SEMA3A: variants seen among roughly 807,000 people sequenced by gnomAD.
SEMA3A encodes the protein semaphorin 3A, also known as semaphorin-3A.
SEMA3A carries 29 observed loss-of-function variants against 97.9 expected under a neutral mutation model. That is an observed-to-expected ratio of 0.30 (90% confidence interval 0.22 to 0.40). The LOEUF is 0.40. SEMA3A is among the 10% of genes least tolerant of loss of function. SEMA3A has a pLI of 1.00. For synonymous variants in SEMA3A, 321 were observed against 323.7 expected (o/e 0.99, Z 0.09); for missense variants, 763 against 951.3 (o/e 0.80, Z 2.60).
intron 1 of SEMA3A, among the ~76,000 whole-genome samples, chr7:84,409,006 G>T (rs1804187524): frequency 6.6e-6 from 1 of 150,764 alleles, no homozygotes; most frequent in Admixed American, 6.6e-5. Flanking sequence ...TAACAAAACT[G>T]CACGTTGTGC....
At chr7:83,976,108 G>A (rs1789140051) in intron 15 of SEMA3A, among the ~76,000 whole-genome samples, 1 of 152,108 alleles carries the variant, frequency 6.6e-6, no homozygotes, top group African/African-American at 2.4e-5. Flanking sequence ...AAACAATCCC[G>A]TGAGCATTCG....
intron 1 of SEMA3A, among the ~76,000 whole-genome samples, chr7:84,473,487 C>T (rs532877110): frequency 4.0e-5 from 6 of 151,714 alleles, no homozygotes; most frequent in African/African-American, 1.2e-4. Flanking sequence ...TTCTGCCTCC[C>T]TGGTTTAAGA....
At chr7:84,186,753 T>C (rs1046994271) in intron 1 of SEMA3A, among the ~76,000 whole-genome samples, 1 of 146,258 alleles carries the variant, frequency 6.8e-6, no homozygotes, top group African/African-American at 2.5e-5. Context: ...TAACTACATA[T>C]TTAAAAAAAA....
chr7:84,041,901 T>C (rs574735035), intron 6 of SEMA3A, among the ~76,000 whole-genome samples: 1 of 152,250 alleles, frequency 6.6e-6, no homozygotes, highest in Admixed American at 6.6e-5. Flanking sequence ...CAAAACTAGA[T>C]GATCTGTTTT....
At chr7:84,359,174 T>C (rs1802648328) in intron 2 of SEMA3A, among the ~76,000 whole-genome samples, 1 of 152,174 alleles carries the variant, frequency 6.6e-6, no homozygotes, top group African/African-American at 2.4e-5. Flanking sequence ...TCCAACACTA[T>C]GTTGAATAGG....
intron 1 of SEMA3A, among the ~76,000 whole-genome samples, chr7:84,386,118 C>CG (rs1803388228): frequency 2.0e-5 from 3 of 152,142 alleles, no homozygotes; most frequent in Non-Finnish European, 4.4e-5. Flanking sequence ...ACTGTGGGAT[C>CG]ACTCAACTGA....
intron 1 of SEMA3A, among the ~76,000 whole-genome samples, chr7:84,375,353 G>A (rs547150897): frequency 3.0e-4 from 46 of 152,066 alleles, no homozygotes; most frequent in African/African-American, 1.1e-3. Flanking sequence ...CATTGAGTGC[G>A]CAAAGTACCA....
chr7:84,362,610 G>C (rs527741878), intron 2 of SEMA3A, among the ~76,000 whole-genome samples: 1 of 151,964 alleles, frequency 6.6e-6, no homozygotes, highest in Non-Finnish European at 1.5e-5. Flanking sequence ...ACAACTTTAA[G>C]TTTGATATGG....
At chr7:84,045,861 A>G (rs1792327035) in intron 6 of SEMA3A, among the ~76,000 whole-genome samples, 1 of 151,938 alleles carries the variant, frequency 6.6e-6, no homozygotes, top group Non-Finnish European at 1.5e-5. Context: ...AAGACATTTG[A>G]AATTTTGAAA....
At chr7:84,272,781 G>T (rs549733997) in intron 3 of SEMA3A, among the ~76,000 whole-genome samples, 1 of 152,144 alleles carries the variant, frequency 6.6e-6, no homozygotes, top group African/African-American at 2.4e-5. Context: ...TGGTCCCTAG[G>T]CATCGCCAAG....
At chr7:83,976,299 T>C (rs759442804) in intron 15 of SEMA3A, among the ~76,000 whole-genome samples, 12 of 152,168 alleles carry the variant, frequency 7.9e-5, no homozygotes, top group Non-Finnish European at 1.3e-4. Context: ...TATTAACTAC[T>C]TTTAGAATAA....
chr7:83,963,086 T>C (rs1039403483), intron 16 of SEMA3A, 119 bp downstream of exon 16: 4 of 1,040,642 alleles, frequency 3.8e-6, no homozygotes, highest in African/African-American at 1.6e-5. Flanking sequence ...GAGCGATTGA[T>C]TGGTTCAGAA....
At chr7:84,311,567 A>G (rs578136517) in intron 2 of SEMA3A, among the ~76,000 whole-genome samples, 1 of 151,982 alleles carries the variant, frequency 6.6e-6, no homozygotes, top group Admixed American at 6.6e-5. Flanking sequence ...TGAATGGTAA[A>G]GATTTATAGT....
At chr7:84,229,065 C>A (rs1799057501) in intron 3 of SEMA3A, among the ~76,000 whole-genome samples, 1 of 151,892 alleles carries the variant, frequency 6.6e-6, no homozygotes, top group South Asian at 2.1e-4. Context: ...TTTTTTGTCA[C>A]TTGTAACTAC....
intron 12 of SEMA3A, among the ~76,000 whole-genome samples, chr7:83,990,219 C>T (rs1032585321): frequency 5.5e-4 from 84 of 152,050 alleles, no homozygotes; most frequent in African/African-American, 2.0e-3. Flanking sequence ...TGGATATTAG[C>T]CCTTTGTCAG....
intron 12 of SEMA3A, among the ~76,000 whole-genome samples, chr7:83,993,107 C>A (rs1420541388): frequency 1.2e-3 from 167 of 142,730 alleles, no homozygotes; most frequent in Middle Eastern, 3.4e-3. Context: ...TTGTTGGTTT[C>A]AAGTCTGTTT....
chr7:84,083,920 C>T (rs1230215375), intron 4 of SEMA3A, among the ~76,000 whole-genome samples: 1 of 151,952 alleles, frequency 6.6e-6, no homozygotes, highest in Non-Finnish European at 1.5e-5. Context: ...ATTATAAGCT[C>T]ATAGTTAACG....
At chr7:84,215,169 C>T (rs768309093) in intron 3 of SEMA3A, among the ~76,000 whole-genome samples, 1 of 151,146 alleles carries the variant, frequency 6.6e-6, no homozygotes, top group Admixed American at 6.6e-5. Context: ...CCGCGCCTGG[C>T]CCTTATTTTA....
chr7:84,402,444 C>T lies in SEMA3A; in HGVS notation c.-245-30544G>A, dbSNP rs140253159. ...TATGGAAAATAATATGGACATTCCT[C>T]AAAAAACTATAATTAGAACTACCAT... On this transcript the variant is annotated intron_variant, in intron 1 of 3. Transcript: ENST00000424555. Among the ~76,000 whole-genome samples the T allele has an allele frequency of 2.9e-3, 447 of 152,212 alleles. 1 individual carries two copies. Among genetic ancestry groups the T allele is most frequent in the African/African-American group, 0.01 (429 of 41,520 alleles).
Sources: allele counts gnomAD v4.1 joint callset (sites outside exome capture counted in the v4.1 genomes callset), GRCh38; gene constraint gnomAD v4.1.1; transcripts MANE v1.5; gene names NCBI Gene and HGNC (gene_info 2026-07-23, HGNC 2026-07-21).